The following GSG1L variants were observed in gnomAD, a reference collection of about 807,000 sequenced individuals.
GSG1L encodes the protein GSG1 like, also known as germ cell-specific gene 1-like protein.
GSG1L carries 24 observed loss-of-function variants against 42.1 expected under a neutral mutation model. The observed-to-expected ratio is 0.57, with a 90% CI of 0.41 to 0.80. The LOEUF is 0.80. Among genes scored for constraint, GSG1L ranks in the 30% least tolerant of loss-of-function variants. The pLI is 0.00. For missense variants in GSG1L, 445 were observed against 472.2 expected (o/e 0.94, Z 0.53); for synonymous variants, 215 against 203.5 (o/e 1.06, Z -0.48).
chr16:28,008,839 C>T (rs191707086), intron 1 of GSG1L, among the ~76,000 whole-genome samples: 52 of 152,030 alleles, frequency 3.4e-4, no homozygotes, highest in Non-Finnish European at 6.2e-4. Context: ...GACAGAGTCT[C>T]GATTTGTCAC....
intron 2 of GSG1L, among the ~76,000 whole-genome samples, chr16:27,898,814 T>C (rs1446892421): frequency 6.6e-6 from 1 of 152,138 alleles, no homozygotes; most frequent in Non-Finnish European, 1.5e-5. Flanking sequence ...TATTTAAAAA[T>C]GGGAAAATCA....
At chr16:27,888,673 A>G (rs1038906429) in intron 2 of GSG1L, among the ~76,000 whole-genome samples, 1 of 149,632 alleles carries the variant, frequency 6.7e-6, no homozygotes, top group Non-Finnish European at 1.5e-5. Flanking sequence ...GCTGGAGTGC[A>G]GTGGCACCAT....
chr16:28,046,341 CTTTTTTTTT>C (rs201480876), intron 1 of GSG1L, among the ~76,000 whole-genome samples: 3 of 76,002 alleles, frequency 3.9e-5, no homozygotes, highest in African/African-American at 1.3e-4. Context: ...GAAGTCCACT[CTTTTTTTTT>C]TTTTTTTTTT....
At chr16:27,901,472 C>T (rs28704985) in intron 2 of GSG1L, among the ~76,000 whole-genome samples, 2,119 of 152,298 alleles carry the variant, frequency 0.014, 44 homozygotes, top group African/African-American at 0.047. Context: ...CACCTGGGAA[C>T]ATCCAGGTTA....
intron 1 of GSG1L, among the ~76,000 whole-genome samples, chr16:28,035,319 A>AT (rs1179590349): frequency 6.6e-6 from 1 of 152,108 alleles, no homozygotes; most frequent in Non-Finnish European, 1.5e-5. Flanking sequence ...CCTCAGCTGT[A>AT]TTTTTTAAAG....
intron 1 of GSG1L, among the ~76,000 whole-genome samples, chr16:28,034,218 C>T (rs28441440): frequency 1.0e-4 from 1 of 9,576 alleles, no homozygotes; most frequent in Non-Finnish European, 2.5e-4. Flanking sequence ...CCAACCCATC[C>T]CATCCCATCC....
chr16:27,916,596 G>A (rs1001415379), intron 2 of GSG1L, among the ~76,000 whole-genome samples: 8 of 151,130 alleles, frequency 5.3e-5, no homozygotes, highest in Admixed American at 3.3e-4. Flanking sequence ...GTGCTGGGAC[G>A]GCAGGCATGA....
chr16:27,819,760 C>A (rs992404190), intron 5 of GSG1L, among the ~76,000 whole-genome samples: 1 of 152,156 alleles, frequency 6.6e-6, no homozygotes, highest in Admixed American at 6.5e-5. Flanking sequence ...CCATGGGAAA[C>A]CACTCCAGTG....
Position 27,983,239 on chromosome 16 carries a change from G to A in GSG1L, c.350-20036C>T, listed in dbSNP as rs144403352. 3.9e-3 allele frequency among the ~76,000 whole-genome samples: 588 copies of A among 152,282 alleles called. 5 individuals carry two copies. Among genetic ancestry groups the A allele is most frequent in the African/African-American group, 0.014 (562 of 41,546 alleles). On this transcript the variant is annotated intron_variant, in intron 1 of 6. Coordinates refer to ENST00000447459, the MANE Select transcript of GSG1L (RefSeq NM_001109763.2). Reference sequence around the variant, plus strand: ...AGTCCCAGCTACTCAGGAGACTAAGGAAGGAGGATCACTTGAGCCCAGGAG... The same window carrying A: ...AGTCCCAGCTACTCAGGAGACTAAGAAAGGAGGATCACTTGAGCCCAGGAG...
At chr16:28,010,617 T>G (rs887336050) in intron 1 of GSG1L, among the ~76,000 whole-genome samples, 1 of 152,122 alleles carries the variant, frequency 6.6e-6, no homozygotes, top group African/African-American at 2.4e-5. Flanking sequence ...GCAAACTTCT[T>G]TGCTCCCCAG....
chr16:27,927,129 G>A (rs1051389924), intron 2 of GSG1L, among the ~76,000 whole-genome samples: 7 of 151,910 alleles, frequency 4.6e-5, no homozygotes, highest in South Asian at 4.2e-4. Flanking sequence ...CAGCCAGCAG[G>A]ATCTTTTGTT....
At chr16:27,946,548 AAAAAGAAAG>A (rs1437133840) in intron 2 of GSG1L, among the ~76,000 whole-genome samples, 1 of 70,442 alleles carries the variant, frequency 1.4e-5, no homozygotes, top group Non-Finnish European at 3.0e-5. Flanking sequence ...CTGTCTCAAA[AAAAAGAAAG>A]AAAGAAAGAA....
intron 1 of GSG1L, among the ~76,000 whole-genome samples, chr16:27,988,180 A>G (rs535081280): frequency 2.0e-5 from 3 of 152,082 alleles, no homozygotes; most frequent in Non-Finnish European, 4.4e-5. Context: ...CATCTTTCTG[A>G]AAAATTATGA....
intron 1 of GSG1L, among the ~76,000 whole-genome samples, chr16:28,010,508 G>C (rs1344940345): frequency 1.3e-5 from 2 of 152,128 alleles, no homozygotes; most frequent in East Asian, 3.9e-4. Context: ...GCTATTTGCA[G>C]ACCAAAAAAG....
intron 2 of GSG1L, among the ~76,000 whole-genome samples, chr16:27,946,087 AG>A (rs1416930128): frequency 6.6e-6 from 1 of 152,250 alleles, no homozygotes; most frequent in Non-Finnish European, 1.5e-5. Context: ...GGCACCAGGC[AG>A]GGTGAAAAGG....
At chr16:28,056,585 T>C (rs2141200307) in intron 1 of GSG1L, among the ~76,000 whole-genome samples, 1 of 151,968 alleles carries the variant, frequency 6.6e-6, no homozygotes, top group Non-Finnish European at 1.5e-5. Context: ...AACCTGCACA[T>C]TGTGCACATG....
intron 1 of GSG1L, among the ~76,000 whole-genome samples, chr16:27,967,158 G>T (rs9941112): frequency 6.6e-6 from 1 of 152,008 alleles, no homozygotes; most frequent in Non-Finnish European, 1.5e-5. Flanking sequence ...AGAAGCTTTC[G>T]GCATTCTCAA....
At chr16:27,942,974 C>A (rs889912429) in intron 2 of GSG1L, among the ~76,000 whole-genome samples, 6 of 152,196 alleles carry the variant, frequency 3.9e-5, no homozygotes, top group African/African-American at 1.4e-4. Flanking sequence ...GCTTATGGAA[C>A]ACGAATTGCA....
chr16:27,905,508 G>A (rs2084310749), intron 2 of GSG1L, among the ~76,000 whole-genome samples: 2 of 151,754 alleles, frequency 1.3e-5, no homozygotes, highest in Admixed American at 6.6e-5. Context: ...GTAGAGACAG[G>A]GTCTCATTCT....
Sources: gnomAD v4.1 joint callset for allele counts (sites outside exome capture counted in the v4.1 genomes callset) on GRCh38, gnomAD v4.1.1 for gene constraint, MANE v1.5 for transcripts, NCBI Gene and HGNC (gene_info 2026-07-23, HGNC 2026-07-21) for gene names.